Variants in DIAPH3 observed in about 807,000 individuals in gnomAD.
DIAPH3 encodes the protein diaphanous related formin 3.
A neutral mutation model predicts 144.3 loss-of-function variants in DIAPH3; 117 were observed. The ratio of observed to expected loss-of-function variants is 0.81; its 90% confidence interval spans 0.70 to 0.95. DIAPH3 has a LOEUF of 0.95. Ranked by LOEUF, DIAPH3 falls within the 40% of genes least tolerant of loss-of-function variation. DIAPH3 has a pLI of 0.00. For synonymous variants in DIAPH3, 519 were observed against 488.9 expected (o/e 1.06, Z -0.81); for missense variants, 1,421 against 1,412.7 (o/e 1.01, Z -0.09).
intron 17 of DIAPH3, among the ~76,000 whole-genome samples, chr13:59,932,480 C>T (rs1566536350): frequency 6.6e-6 from 1 of 151,958 alleles, no homozygotes; most frequent in Non-Finnish European, 1.5e-5. Flanking sequence ...TGATGACCAC[C>T]TGACTTGGAC....
chr13:59,830,424 C>T (rs2041712354), intron 24 of DIAPH3, among the ~76,000 whole-genome samples: 1 of 151,782 alleles, frequency 6.6e-6, no homozygotes, highest in Non-Finnish European at 1.5e-5. Flanking sequence ...ATATACTATT[C>T]TTTAGATTTA....
chr13:60,055,560 C>A (rs1189103956), intron 4 of DIAPH3, among the ~76,000 whole-genome samples: 1 of 151,738 alleles, frequency 6.6e-6, no homozygotes, highest in African/African-American at 2.4e-5. Flanking sequence ...TCTCCCATAG[C>A]CAGAGAATAC....
chr13:59,965,287 C>A (rs2049985429), intron 17 of DIAPH3, among the ~76,000 whole-genome samples: 4 of 152,054 alleles, frequency 2.6e-5, no homozygotes, highest in Admixed American at 2.0e-4. Flanking sequence ...AAATGACACA[C>A]CTGTTATAAA....
At chr13:59,941,660 T>C (rs991128681) in intron 17 of DIAPH3, among the ~76,000 whole-genome samples, 3 of 152,106 alleles carry the variant, frequency 2.0e-5, no homozygotes, top group African/African-American at 7.2e-5. Context: ...TAATGGGAGA[T>C]GTAAAAGCAC....
chr13:59,905,235 C>T (rs1251842940), intron 20 of DIAPH3, among the ~76,000 whole-genome samples: 1 of 147,772 alleles, frequency 6.8e-6, no homozygotes, highest in Middle Eastern at 3.7e-3. Context: ...CCCAGCTACT[C>T]GGGAGGCTGA....
rs1555274392 is a variant in DIAPH3, at chr13:59,697,491, A to AAAAAAAAG, written c.3320-30646_3320-30645insCTTTTTTT. 6.4e-4 allele frequency among the ~76,000 whole-genome samples: 50 copies of AAAAAAAAG among 78,030 alleles called. 2 individuals carry two copies. The highest frequency in any genetic ancestry group is 9.7e-4 in the South Asian group (2 of 2,072). The allele number at this position is 78,030 out of a possible 152,430, so 51.2% of individuals were successfully genotyped here. Reference sequence around the variant, plus strand: ...AAAAAAAAAAAAAAAAAAAAAAAAAAAAGAAGAGGGGATTCAACTCATATA... The same window carrying AAAAAAAAG: ...AAAAAAAAAAAAAAAAAAAAAAAAAAAAAAAAAGAAGAAGAGGGGATTCAACTCATATA... On this transcript the variant is annotated intron_variant, in intron 27 of 27. Coordinates refer to ENST00000400324, the MANE Select transcript of DIAPH3 (RefSeq NM_001042517.2).
intron 18 of DIAPH3, among the ~76,000 whole-genome samples, chr13:59,918,800 A>C (rs563118943): frequency 6.6e-6 from 1 of 152,280 alleles, no homozygotes; most frequent in Admixed American, 6.5e-5. Context: ...ACCACAATGC[A>C]AAAAGACAAT....
chr13:59,789,382 C>T (rs939151031), intron 25 of DIAPH3, among the ~76,000 whole-genome samples: 4 of 152,164 alleles, frequency 2.6e-5, no homozygotes, highest in South Asian at 2.1e-4. Context: ...ATGCTTACTT[C>T]GCATTGAAAA....
At chr13:59,817,062 G>C (rs2040813470) in intron 24 of DIAPH3, among the ~76,000 whole-genome samples, 1 of 151,670 alleles carries the variant, frequency 6.6e-6, no homozygotes. Context: ...CTAATTTCAT[G>C]TCATTGTGGT....
intron 24 of DIAPH3, among the ~76,000 whole-genome samples, chr13:59,829,991 C>T (rs2041688122): frequency 6.6e-6 from 1 of 151,834 alleles, no homozygotes; most frequent in Admixed American, 6.6e-5. Flanking sequence ...ACAATGGAAA[C>T]ATTTTAACAG....
At chr13:59,905,153 T>C (rs1030455463) in intron 20 of DIAPH3, among the ~76,000 whole-genome samples, 1 of 151,392 alleles carries the variant, frequency 6.6e-6, no homozygotes, top group Non-Finnish European at 1.5e-5. Flanking sequence ...TCATCCTGGC[T>C]AAAATGGTGA....
chr13:59,946,843 C>G (rs1318549159), intron 17 of DIAPH3, among the ~76,000 whole-genome samples: 1 of 152,078 alleles, frequency 6.6e-6, no homozygotes. Context: ...ATTTGAAAAT[C>G]TGGTACGATA....
intron 24 of DIAPH3, among the ~76,000 whole-genome samples, chr13:59,817,437 T>G (rs2040836261): frequency 6.6e-6 from 1 of 151,902 alleles, no homozygotes; most frequent in African/African-American, 2.4e-5. Flanking sequence ...TTTGTTGTCA[T>G]GAAGTAATTA....
chr13:60,068,702 T>C (rs1036786398), intron 4 of DIAPH3, among the ~76,000 whole-genome samples: 1 of 152,158 alleles, frequency 6.6e-6, no homozygotes, highest in Non-Finnish European at 1.5e-5. Context: ...TTCATGTCCA[T>C]GTGTATTCAA....
At chr13:59,675,385 A>AT (rs1220590409) in intron 27 of DIAPH3, among the ~76,000 whole-genome samples, 1,419 of 138,118 alleles carry the variant, frequency 0.01, 14 homozygotes, top group African/African-American at 0.022. Context: ...GCTATTTTTA[A>AT]TTTTTTTTTT....
intron 4 of DIAPH3, among the ~76,000 whole-genome samples, chr13:60,055,419 T>C (rs76266127): frequency 0.014 from 2,117 of 152,044 alleles, 64 homozygotes; most frequent in East Asian, 0.1. Flanking sequence ...TTAAGAAGTG[T>C]TGCTTCAACT....
At chr13:59,988,450 A>C (rs2140783984) in intron 12 of DIAPH3, among the ~76,000 whole-genome samples, 1 of 151,998 alleles carries the variant, frequency 6.6e-6, no homozygotes, top group African/African-American at 2.4e-5. Context: ...AGAAATCATA[A>C]TTTTAGTAAG....
intron 4 of DIAPH3, among the ~76,000 whole-genome samples, chr13:60,052,958 T>TAAAAAAAAAAAAAAAAA: frequency 9.4e-5 from 1 of 10,616 alleles, no homozygotes; most frequent in African/African-American, 6.2e-4. Flanking sequence ...AGACTCCCTC[T>TAAAAAAAAAAAAAAAAA]TAAAAAAAAA....
chr13:59,992,177 A>G lies in DIAPH3; in HGVS notation c.1135T>C (p.Cys379Arg). ...ATATCCAGGCCATCATTCTTAATGC[A>G]TTTTAAATTCTAGAGATATGAAATA... Reference protein sequence around the residue: ...GLKEILPNLKCIKNDGLDIQL... With the variant: ...GLKEILPNLKRIKNDGLDIQL... Residue 379 changes from cysteine (C) to arginine (R), a missense_variant, in exon 11 of 28, where the codon TGC (cysteine) becomes CGC (arginine). By Grantham distance (180) the Cys-to-Arg change is radical. Coordinates refer to ENST00000400324, the MANE Select transcript of DIAPH3 (RefSeq NM_001042517.2). The G allele has an allele frequency of 1.2e-6, 2 of 1,607,794 alleles. No individual in the cohort carries two copies. The highest frequency in any genetic ancestry group is 1.7e-6 in the Non-Finnish European group (2 of 1,175,308).
Sources: gnomAD v4.1 joint callset for allele counts (sites outside exome capture counted in the v4.1 genomes callset) on GRCh38, gnomAD v4.1.1 for gene constraint, MANE v1.5 for transcripts, NCBI Gene and HGNC (gene_info 2026-07-23, HGNC 2026-07-21) for gene names.